Variants in CNTNAP2 observed in about 807,000 individuals in gnomAD.
The protein encoded by CNTNAP2 is contactin-associated protein-like 2.
A neutral mutation model predicts 155.2 loss-of-function variants in CNTNAP2; 98 were observed. The ratio of observed to expected loss-of-function variants is 0.63; its 90% CI spans 0.54 to 0.75. CNTNAP2 has a LOEUF of 0.75. Ranked by LOEUF, CNTNAP2 falls within the 30% of genes least tolerant of loss-of-function variation. CNTNAP2 has a pLI of 0.00. For missense variants in CNTNAP2, 1,727 were observed against 1,688.1 expected (o/e 1.02, Z -0.40); for synonymous variants, 651 against 631.2 (o/e 1.03, Z -0.47).
intron 3 of CNTNAP2, among the ~76,000 whole-genome samples, chr7:146,950,049 C>T (rs1194012116): frequency 6.6e-6 from 1 of 152,040 alleles, no homozygotes; most frequent in Non-Finnish European, 1.5e-5. Context: ...ACAAGAGAAA[C>T]AATAACAACA....
intron 8 of CNTNAP2, among the ~76,000 whole-genome samples, chr7:147,252,517 A>G (rs1361375437): frequency 1.3e-5 from 2 of 152,120 alleles, no homozygotes; most frequent in Non-Finnish European, 2.9e-5. Context: ...CTGGATTTCA[A>G]TTGCTTCCTC....
chr7:148,363,116 G>A (rs986588870), intron 21 of CNTNAP2, among the ~76,000 whole-genome samples: 1 of 152,122 alleles, frequency 6.6e-6, no homozygotes, highest in East Asian at 1.9e-4. Context: ...CGAGTAGCTG[G>A]GATCACAGGC....
At chr7:147,289,026 G>A (rs568999111) in intron 8 of CNTNAP2, among the ~76,000 whole-genome samples, 1 of 152,156 alleles carries the variant, frequency 6.6e-6, no homozygotes, top group East Asian at 1.9e-4. Context: ...CATGAATCAT[G>A]ATTTCCTCTA....
chr7:147,240,689 G>A (rs1024917370), intron 8 of CNTNAP2, among the ~76,000 whole-genome samples: 1 of 152,184 alleles, frequency 6.6e-6, no homozygotes, highest in Admixed American at 6.5e-5. Context: ...CCACAGCACT[G>A]AGTAGGTCTC....
chr7:146,269,184 C>T (rs1304692065), intron 1 of CNTNAP2, among the ~76,000 whole-genome samples: 1 of 152,020 alleles, frequency 6.6e-6, no homozygotes, highest in Non-Finnish European at 1.5e-5. Flanking sequence ...TACTAAAATA[C>T]AAAAAATTGG....
At chr7:146,659,262 G>A (rs1003305579) in intron 1 of CNTNAP2, among the ~76,000 whole-genome samples, 4 of 152,156 alleles carry the variant, frequency 2.6e-5, no homozygotes, top group African/African-American at 9.6e-5. Flanking sequence ...AGAGGTCTAG[G>A]CAGGATATAT....
chr7:146,277,357 AG>A (rs1184767812), intron 1 of CNTNAP2, among the ~76,000 whole-genome samples: 6 of 152,184 alleles, frequency 3.9e-5, no homozygotes, highest in African/African-American at 1.4e-4. Context: ...AATATATAGG[AG>A]TAAAAGTCAT....
chr7:146,581,152 T>C (rs1240836374), intron 1 of CNTNAP2, among the ~76,000 whole-genome samples: 1 of 152,100 alleles, frequency 6.6e-6, no homozygotes, highest in Admixed American at 6.6e-5. Context: ...GACCCAAGAA[T>C]TGGTGGAAAT....
intron 14 of CNTNAP2, among the ~76,000 whole-genome samples, chr7:147,917,630 G>A (rs1800182879): frequency 6.6e-6 from 1 of 152,212 alleles, no homozygotes; most frequent in South Asian, 2.1e-4. Context: ...CAGCAAAGAT[G>A]GCTGGGTTCT....
At chr7:148,031,948 C>A (rs1224877969) in intron 15 of CNTNAP2, among the ~76,000 whole-genome samples, 2 of 152,154 alleles carry the variant, frequency 1.3e-5, no homozygotes, top group Non-Finnish European at 2.9e-5. Flanking sequence ...TAGGGAAGAT[C>A]ATTCGTCACT....
intron 1 of CNTNAP2, among the ~76,000 whole-genome samples, chr7:146,730,784 C>T (rs1393807030): frequency 4.6e-5 from 7 of 152,112 alleles, no homozygotes; most frequent in Non-Finnish European, 8.8e-5. Flanking sequence ...TGAAATTTTA[C>T]TTGTCATCCT....
chr7:147,255,700 A>G (rs1804308185), intron 8 of CNTNAP2, among the ~76,000 whole-genome samples: 1 of 152,170 alleles, frequency 6.6e-6, no homozygotes, highest in Non-Finnish European at 1.5e-5. Context: ...TTTTATATAA[A>G]TAATAGGTAG....
intron 1 of CNTNAP2, among the ~76,000 whole-genome samples, chr7:146,398,257 G>T (rs57498466): frequency 7.2e-6 from 1 of 139,264 alleles, no homozygotes; most frequent in Non-Finnish European, 1.5e-5. Context: ...GTAAAGGAAA[G>T]AAGTTTAATT....
intron 21 of CNTNAP2, among the ~76,000 whole-genome samples, chr7:148,286,244 T>C (rs57129732): frequency 0.15 from 22,142 of 152,094 alleles, 2,078 homozygotes; most frequent in African/African-American, 0.26. Context: ...GTGTATTTAT[T>C]TGATGCTTCA....
chr7:147,090,247 C>A lies in CNTNAP2; in HGVS notation c.551-17900C>A, dbSNP rs182492952. Among the ~76,000 whole-genome samples the A allele has an allele frequency of 1.9e-3, 292 of 152,072 alleles. 2 individuals are homozygous for A. Among genetic ancestry groups the A allele is most frequent in the African/African-American group, 6.8e-3 (283 of 41,460 alleles). On this transcript the variant is annotated intron_variant, in intron 4 of 23. Transcript: ENST00000361727. ...TTATTTCAAATCAATTAGACAAATA[C>A]TTAATATGTTGCCACTCCAGCTACT...
chr7:146,733,174 A>T (rs1801555325), intron 1 of CNTNAP2, among the ~76,000 whole-genome samples: 1 of 152,118 alleles, frequency 6.6e-6, no homozygotes, highest in Non-Finnish European at 1.5e-5. Context: ...CTCTTTCAAG[A>T]GCCCACGGGA....
chr7:146,934,010 A>C (rs1239530017), intron 3 of CNTNAP2, among the ~76,000 whole-genome samples: 2 of 152,182 alleles, frequency 1.3e-5, no homozygotes, highest in East Asian at 3.9e-4. Context: ...AAACTAGTTC[A>C]ACCCTTGTGG....
At chr7:147,186,628 T>C (rs1229038340) in intron 8 of CNTNAP2, among the ~76,000 whole-genome samples, 3 of 152,154 alleles carry the variant, frequency 2.0e-5, no homozygotes, top group Admixed American at 2.0e-4. Flanking sequence ...ATGTAAAAAG[T>C]ACACACTGGA....
chr7:147,046,069 T>C (rs1219057541), intron 4 of CNTNAP2, among the ~76,000 whole-genome samples: 1 of 152,150 alleles, frequency 6.6e-6, no homozygotes, highest in Non-Finnish European at 1.5e-5. Context: ...ATAATAAAAA[T>C]AGTAAAAGTT....
Sources: gnomAD v4.1 joint callset for allele counts (sites outside exome capture counted in the v4.1 genomes callset) on GRCh38, gnomAD v4.1.1 for gene constraint, MANE v1.5 for transcripts, NCBI Gene and HGNC (gene_info 2026-07-23, HGNC 2026-07-21) for gene names.